DNAH14: variants seen among roughly 807,000 people sequenced by gnomAD.
DNAH14 encodes the protein axonemal beta dynein heavy chain 14.
DNAH14 carries 478 observed loss-of-function variants against 520.9 expected under a neutral mutation model. The observed-to-expected ratio is 0.92, with a 90% confidence interval of 0.85 to 0.99. The LOEUF is 0.99. DNAH14 is among the 50% of genes least tolerant of loss of function. DNAH14 has a pLI of 0.00. For missense variants in DNAH14, 4,831 were observed against 5,234.5 expected (o/e 0.92, Z 2.38); for synonymous variants, 1,581 against 1,757.2 (o/e 0.90, Z 2.51).
chr1:225,011,694 T>G (rs536121628), intron 10 of DNAH14, among the ~76,000 whole-genome samples: 1 of 152,092 alleles, frequency 6.6e-6, no homozygotes, highest in East Asian at 1.9e-4. Context: ...TGCCCTTCTT[T>G]GTCTTTTTTT....
chr1:225,397,501 AGAG>A (rs2096031272), intron 84 of DNAH14: 1 of 152,404 alleles, frequency 6.6e-6, no homozygotes, highest in South Asian at 2.1e-4. Flanking sequence ...CTGCCCCATC[AGAG>A]GAGATGGCAG....
intron 28 of DNAH14, among the ~76,000 whole-genome samples, chr1:225,142,497 G>T (rs1352012933): frequency 2.0e-5 from 3 of 152,260 alleles, no homozygotes; most frequent in East Asian, 3.9e-4. Flanking sequence ...CTAGGTTTTG[G>T]CAGTTGCTCT....
At chr1:225,366,725 G>A (rs533393140) in intron 76 of DNAH14, among the ~76,000 whole-genome samples, 65 of 152,156 alleles carry the variant, frequency 4.3e-4, no homozygotes, top group Non-Finnish European at 7.5e-4. Flanking sequence ...CCATCTCCTG[G>A]AGCCACTTAC....
chr1:225,384,727 C>CAAG (rs1264790382), intron 81 of DNAH14, among the ~76,000 whole-genome samples: 2 of 152,080 alleles, frequency 1.3e-5, no homozygotes, highest in African/African-American at 4.8e-5. Context: ...GAAATTGAGG[C>CAAG]AATAATTAAT....
chr1:225,289,025 G>A lies in DNAH14; in HGVS notation c.8272-860G>A, dbSNP rs552538231. Among the ~76,000 whole-genome samples the A allele has an allele frequency of 7.0e-4, 107 of 152,194 alleles. 1 individual carries two copies. The highest frequency in any genetic ancestry group is 2.5e-3 in the African/African-American group (104 of 41,538). On this transcript the variant is annotated intron_variant, in intron 54 of 85. Transcript: ENST00000682510. ...GACTTGTATGGAAATGTTCATAGCA[G>A]CATTATTCATAATCAAGAAGTAGAA... is the stretch of plus-strand genomic sequence containing the variant.
intron 36 of DNAH14, among the ~76,000 whole-genome samples, chr1:225,170,316 C>G (rs1175059255): frequency 6.6e-6 from 1 of 152,160 alleles, no homozygotes; most frequent in African/African-American, 2.4e-5. Context: ...TTAAAAGACA[C>G]AGACTGGCAA....
intron 17 of DNAH14, among the ~76,000 whole-genome samples, chr1:225,064,745 G>A (rs1015468987): frequency 6.6e-6 from 1 of 151,964 alleles, no homozygotes; most frequent in Non-Finnish European, 1.5e-5. Flanking sequence ...TAACTAGACA[G>A]ATTGTTTTCT....
At chr1:225,296,125 T>C (rs1180938670) in intron 55 of DNAH14, among the ~76,000 whole-genome samples, 4 of 152,190 alleles carry the variant, frequency 2.6e-5, no homozygotes, top group Non-Finnish European at 5.9e-5. Flanking sequence ...ACTCTATGTC[T>C]GTCTTTACAA....
At chr1:225,163,601 A>G (rs1012859376) in intron 35 of DNAH14, among the ~76,000 whole-genome samples, 1 of 152,244 alleles carries the variant, frequency 6.6e-6, no homozygotes, top group Non-Finnish European at 1.5e-5. Context: ...TTCAGCATCA[A>G]TTGAAATGAT....
At chr1:225,353,062 C>T (rs2095389233) in intron 72 of DNAH14, among the ~76,000 whole-genome samples, 1 of 151,884 alleles carries the variant, frequency 6.6e-6, no homozygotes, top group African/African-American at 2.4e-5. Context: ...ATAACTATAC[C>T]TTCATGTATC....
chr1:225,335,369 A>ATG lies in DNAH14; in HGVS notation c.10080+1871_10080+1872dup, dbSNP rs201125850. On this transcript the variant is annotated intron_variant, in intron 66 of 85. Coordinates refer to ENST00000682510, the MANE Select transcript of DNAH14 (RefSeq NM_001367479.1). ...TGTGTATATGCATATACACGTGTAC[A>ATG]TGTGTGTGTATATGCACATATACAC... 8.8e-5 allele frequency among the ~76,000 whole-genome samples: 6 copies of ATG among 68,306 alleles called. 2 individuals carry two copies. The highest frequency in any genetic ancestry group is 1.3e-4 in the Non-Finnish European group (5 of 37,664). The allele number at this position is 68,306 out of a possible 152,430, so 44.8% of individuals were successfully genotyped here.
At chr1:225,014,567 G>T (rs1207671905) in intron 10 of DNAH14, among the ~76,000 whole-genome samples, 1 of 151,944 alleles carries the variant, frequency 6.6e-6, no homozygotes, top group Non-Finnish European at 1.5e-5. Flanking sequence ...TCACCCATTT[G>T]TTGTTCAGGA....
intron 75 of DNAH14, 47 bp downstream of exon 75, chr1:225,360,938 A>G: frequency 6.7e-7 from 1 of 1,499,694 alleles, no homozygotes; most frequent in Non-Finnish European, 9.1e-7. Flanking sequence ...GGTTACCAAA[A>G]CTATAAAGTA....
chr1:225,140,728 T>G lies in DNAH14; in HGVS notation c.4255-40T>G, dbSNP rs12130576. 0.047 allele frequency: 61,548 copies of G among 1,308,044 alleles called. 1,619 individuals are homozygous for G. The highest frequency in any genetic ancestry group is 0.052 in the Non-Finnish European group (49,493 of 950,042). 81.0% of individuals were successfully genotyped at this position (1,308,044 alleles called of 1,614,324 possible). On this transcript the variant is annotated intron_variant, in intron 27 of 85. Coordinates refer to ENST00000682510, the MANE Select transcript of DNAH14 (RefSeq NM_001367479.1). ...AATTTATGCTTCAATTATATATATATAGAGAGAGATATATATATAACATTA... is the reference window on the plus strand; with the variant it reads ...AATTTATGCTTCAATTATATATATAGAGAGAGAGATATATATATAACATTA...
intron 20 of DNAH14, among the ~76,000 whole-genome samples, chr1:225,083,780 A>G (rs1296176508): frequency 2.0e-5 from 3 of 152,330 alleles, no homozygotes; most frequent in Middle Eastern, 6.8e-3. Context: ...GAATTCAGCA[A>G]GATAGCTAGG....
chr1:225,065,446 A>G (rs182788194), intron 17 of DNAH14, among the ~76,000 whole-genome samples: 1 of 151,516 alleles, frequency 6.6e-6, no homozygotes, highest in Non-Finnish European at 1.5e-5. Flanking sequence ...TCTCAAAAAA[A>G]AAAACCAACA....
chr1:225,315,237 G>A (rs1263012589), intron 60 of DNAH14, among the ~76,000 whole-genome samples: 1 of 151,522 alleles, frequency 6.6e-6, no homozygotes, highest in Non-Finnish European at 1.5e-5. Context: ...TTCGGCTACT[G>A]ATATTTGGGT....
At chr1:225,213,746 C>A (rs2088826934) in intron 41 of DNAH14, among the ~76,000 whole-genome samples, 1 of 152,072 alleles carries the variant, frequency 6.6e-6, no homozygotes, top group Non-Finnish European at 1.5e-5. Context: ...GTGATTTTTG[C>A]ATATTGATTT....
At chr1:225,204,540 T>C (rs2087281120) in intron 39 of DNAH14, among the ~76,000 whole-genome samples, 2 of 152,248 alleles carry the variant, frequency 1.3e-5, no homozygotes, top group East Asian at 3.9e-4. Context: ...ATATTAAAGG[T>C]AGAAATAAAC....
Sources: gnomAD v4.1 joint callset for allele counts (sites outside exome capture counted in the v4.1 genomes callset) on GRCh38, gnomAD v4.1.1 for gene constraint, MANE v1.5 for transcripts, NCBI Gene and HGNC (gene_info 2026-07-23, HGNC 2026-07-21) for gene names.